LPAR1: variants seen among roughly 807,000 people sequenced by gnomAD.
The protein encoded by LPAR1 is LPA receptor 1.
A neutral mutation model predicts 23.8 loss-of-function variants in LPAR1; 5 were observed. The ratio of observed to expected loss-of-function variants is 0.21; its 90% CI spans 0.11 to 0.44. LPAR1 has a LOEUF of 0.44. Among genes scored for constraint, LPAR1 ranks in the 20% least tolerant of loss-of-function variants. LPAR1 has a pLI of 0.99. For synonymous variants in LPAR1, 160 were observed against 164.7 expected (o/e 0.97, Z 0.22); for missense variants, 311 against 482.8 (o/e 0.64, Z 3.33).
At chr9:110,981,978 A>G (rs149826917) in intron 2 of LPAR1, among the ~76,000 whole-genome samples, 2,654 of 152,230 alleles carry the variant, frequency 0.017, 72 homozygotes, top group African/African-American at 0.06. Flanking sequence ...GAATCAACAG[A>G]TGCTGGAGAG....
At chr9:110,918,845 A>G (rs2134969080) in intron 5 of LPAR1, among the ~76,000 whole-genome samples, 1 of 152,304 alleles carries the variant, frequency 6.6e-6, no homozygotes, top group South Asian at 2.1e-4. Flanking sequence ...CCTTCAACCT[A>G]ACAACATCAA....
At chr9:110,883,189 G>A (rs995301319) in intron 5 of LPAR1, among the ~76,000 whole-genome samples, 1 of 152,042 alleles carries the variant, frequency 6.6e-6, no homozygotes, top group African/African-American at 2.4e-5. Flanking sequence ...ACAGGTGCAC[G>A]CCACCATGCC....
intron 2 of LPAR1, among the ~76,000 whole-genome samples, chr9:111,007,633 T>C (rs987738506): frequency 6.6e-6 from 1 of 152,156 alleles, no homozygotes; most frequent in Non-Finnish European, 1.5e-5. Context: ...TTTAATGAAG[T>C]TGCTGCACTT....
rs907320483 is a variant in LPAR1, at chr9:110,996,055, G to A, written c.-181-22497C>T. Among the ~76,000 whole-genome samples, 27 of 151,974 alleles carry A rather than the reference G, an allele frequency of 1.8e-4. 1 individual carries two copies. The highest frequency in any genetic ancestry group is 1.2e-3 in the South Asian group (6 of 4,812). On this transcript the variant is annotated intron_variant, in intron 2 of 5. Transcript: ENST00000683809. The stretch of plus-strand genomic sequence containing the variant: ...CTGAGACATGACCTAAAAACCAACC[G>A]GAGACCTAAAAACAGCTGTGAGGCC...
intron 5 of LPAR1, among the ~76,000 whole-genome samples, chr9:110,878,969 T>A (rs552053266): frequency 1.3e-5 from 2 of 152,264 alleles, no homozygotes; most frequent in Non-Finnish European, 2.9e-5. Context: ...GAGGTTCTCA[T>A]GGGTCAATGC....
At chr9:111,024,471 TATAC>T (rs1356753756) in intron 2 of LPAR1, among the ~76,000 whole-genome samples, 3 of 147,404 alleles carry the variant, frequency 2.0e-5, no homozygotes, top group Non-Finnish European at 4.5e-5. Context: ...CATAATTATA[TATAC>T]ATACATATTT....
At chr9:111,016,173 C>T (rs2097441115) in intron 2 of LPAR1, among the ~76,000 whole-genome samples, 1 of 152,054 alleles carries the variant, frequency 6.6e-6, no homozygotes, top group South Asian at 2.1e-4. Context: ...GTCCTATTCC[C>T]CACCCAGATT....
At chr9:110,894,057 T>A (rs903810893) in intron 5 of LPAR1, among the ~76,000 whole-genome samples, 1 of 152,148 alleles carries the variant, frequency 6.6e-6, no homozygotes, top group South Asian at 2.1e-4. Context: ...AAAATAATAA[T>A]AAAACCTTTA....
chr9:111,023,050 CAACAA>C (rs1304556812), intron 2 of LPAR1, among the ~76,000 whole-genome samples: 2 of 104,792 alleles, frequency 1.9e-5, no homozygotes, highest in Non-Finnish European at 3.7e-5. Context: ...GACTCCGTCT[CAACAA>C]AAAAAAAAAA....
intron 5 of LPAR1, among the ~76,000 whole-genome samples, chr9:110,913,641 A>G (rs753843668): frequency 5.3e-5 from 8 of 152,168 alleles, no homozygotes; most frequent in Non-Finnish European, 7.3e-5. Context: ...CTAATTAAGT[A>G]TGCCCACAAA....
At chr9:110,952,904 C>T (rs891760463) in intron 4 of LPAR1, among the ~76,000 whole-genome samples, 3 of 152,156 alleles carry the variant, frequency 2.0e-5, no homozygotes, top group Non-Finnish European at 4.4e-5. Flanking sequence ...TGGGATCACC[C>T]TGCCCCAACC....
At chr9:110,899,419 T>A (rs1232827612) in intron 5 of LPAR1, among the ~76,000 whole-genome samples, 3 of 152,226 alleles carry the variant, frequency 2.0e-5, no homozygotes, top group Admixed American at 1.3e-4. Context: ...ATGTAGTCAG[T>A]GTCTTTGGGA....
intron 5 of LPAR1, among the ~76,000 whole-genome samples, chr9:110,926,842 G>C (rs2135462871): frequency 6.6e-6 from 1 of 152,276 alleles, no homozygotes; most frequent in East Asian, 1.9e-4. Context: ...AAGGTGAAAA[G>C]GGTTTTAAAA....
At chr9:110,889,972 A>T (rs1344735307) in intron 5 of LPAR1, among the ~76,000 whole-genome samples, 2 of 152,232 alleles carry the variant, frequency 1.3e-5, no homozygotes, top group African/African-American at 4.8e-5. Context: ...AGCAAAAAAG[A>T]AATTAAAACA....
chr9:110,913,890 C>T (rs2092759201), intron 5 of LPAR1, among the ~76,000 whole-genome samples: 1 of 152,174 alleles, frequency 6.6e-6, no homozygotes, highest in Admixed American at 6.5e-5. Flanking sequence ...CTAAGAAGTT[C>T]AATGGGTGCC....
In LPAR1 at chr9:110,946,045, C is replaced by T. The variant is rs528161808; in HGVS notation, c.46-3877G>A. Among the ~76,000 whole-genome samples, 20 of 152,190 alleles carry T rather than the reference C, an allele frequency of 1.3e-4. No homozygotes were observed. The South Asian group carries it at 4.1e-3, about 32-fold the overall frequency. On this transcript the variant is annotated intron_variant, in intron 4 of 5. Coordinates refer to ENST00000683809, the MANE Select transcript of LPAR1 (RefSeq NM_001351411.2). ...GATATCTTTGGAAGCCATTATTGTG[C>T]CTATCAGAACAAACTGAAAAACAAT...
At chr9:110,950,909 GAAC>G (rs1390680444) in intron 4 of LPAR1, among the ~76,000 whole-genome samples, 2 of 152,074 alleles carry the variant, frequency 1.3e-5, no homozygotes, top group Non-Finnish European at 2.9e-5. Context: ...AAGCACAAAA[GAAC>G]AACAATACCC....
chr9:110,890,385 T>C (rs1243120418), intron 5 of LPAR1, among the ~76,000 whole-genome samples: 17 of 152,244 alleles, frequency 1.1e-4, no homozygotes, highest in Admixed American at 1.1e-3. Context: ...TTACTTCCTA[T>C]GGAATTTATA....
rs1390776944 is a variant in LPAR1, at chr9:110,892,818, AAGGAAGGAAGGCAGGCAGGCAGGC to A, written c.794-17120_794-17097del. On this transcript the variant is annotated intron_variant, in intron 5 of 5. Transcript: ENST00000683809. The stretch of plus-strand genomic sequence containing the variant: ...GAAGGAAGGAAGGAAGGAAGGAAGG[AAGGAAGGAAGGCAGGCAGGCAGGC>A]AGGCAGGCAGGCAGGCAGGCAGGCA... 7.8e-3 allele frequency among the ~76,000 whole-genome samples: 756 copies of A among 97,128 alleles called. 9 individuals carry two copies. The highest frequency in any genetic ancestry group is 0.034 in the African/African-American group (730 of 21,436). 63.7% of individuals were successfully genotyped at this position (97,128 alleles called of 152,430 possible).
Sources: gnomAD v4.1 joint callset for allele counts (sites outside exome capture counted in the v4.1 genomes callset) on GRCh38, gnomAD v4.1.1 for gene constraint, MANE v1.5 for transcripts, NCBI Gene and HGNC (gene_info 2026-07-23, HGNC 2026-07-21) for gene names.